Variants in DCC observed in about 807,000 individuals in gnomAD.
The protein encoded by DCC is netrin receptor DCC.
A neutral mutation model predicts 172.5 loss-of-function variants in DCC; 58 were observed. That is an observed-to-expected ratio of 0.34 (90% CI 0.27 to 0.42). DCC has a LOEUF of 0.42. DCC is among the 10% of genes least tolerant of loss of function. The pLI, the probability that DCC is intolerant of heterozygous loss-of-function variation, is 1.00. For missense variants in DCC, 1,740 were observed against 1,791.0 expected (o/e 0.97, Z 0.51); for synonymous variants, 709 against 644.5 (o/e 1.10, Z -1.52).
intron 7 of DCC, among the ~76,000 whole-genome samples, chr18:53,112,498 A>T (rs991598165): frequency 6.6e-6 from 1 of 151,490 alleles, no homozygotes. Flanking sequence ...ATCTGCCTTT[A>T]TTAAGTGCAG....
chr18:53,197,129 C>T (rs1402647049), intron 9 of DCC, among the ~76,000 whole-genome samples: 1 of 152,038 alleles, frequency 6.6e-6, no homozygotes, highest in Non-Finnish European at 1.5e-5. Flanking sequence ...TCAGAAATGG[C>T]TTGCATTTGA....
intron 22 of DCC, among the ~76,000 whole-genome samples, chr18:53,439,769 C>CTTTTTTTTTTTT (rs1292726340): frequency 2.5e-4 from 32 of 127,238 alleles, no homozygotes; most frequent in East Asian, 4.4e-4. Flanking sequence ...TAGTATTTTT[C>CTTTTTTTTTTTT]TTTTTTTTTT....
intron 1 of DCC, among the ~76,000 whole-genome samples, chr18:52,513,668 C>T (rs758304329): frequency 1.3e-5 from 2 of 152,084 alleles, no homozygotes; most frequent in Non-Finnish European, 2.9e-5. Context: ...GGTCTTTTGG[C>T]TCTAAAACTA....
At chr18:52,903,093 A>C (rs536167063) in intron 2 of DCC, among the ~76,000 whole-genome samples, 1 of 152,360 alleles carries the variant, frequency 6.6e-6, no homozygotes, top group South Asian at 2.1e-4. Context: ...ATTGTTGAGT[A>C]TCAGTTTGAA....
rs1185911648 is a variant in DCC, at chr18:52,929,856, ACACACACT to A, written c.985+4490_985+4497del. The stretch of plus-strand genomic sequence containing the variant: ...CACACACACACACACACACACACAC[ACACACACT>A]CACGTTTGTTTTCTCCATATAAGTG... On this transcript the variant is annotated intron_variant, in intron 5 of 28. Coordinates refer to ENST00000442544, the MANE Select transcript of DCC (RefSeq NM_005215.4). Among the ~76,000 whole-genome samples, 121 of 125,816 alleles carry A rather than the reference ACACACACT, an allele frequency of 9.6e-4. 1 individual carries two copies. The highest frequency in any genetic ancestry group is 9.1e-3 in the Admixed American group (114 of 12,480). The allele number at this position is 125,816 out of a possible 152,430, so 82.5% of individuals were successfully genotyped here. A position where few individuals can be genotyped will look rare whatever the true frequency, so the allele number is the denominator to read the frequency against.
intron 13 of DCC, among the ~76,000 whole-genome samples, chr18:53,313,137 C>T (rs2144805491): frequency 6.6e-6 from 1 of 152,026 alleles, no homozygotes; most frequent in Admixed American, 6.6e-5. Context: ...CTTCTGATAT[C>T]AGCTATCAGA....
chr18:52,819,907 A>G (rs2038374363), intron 2 of DCC, among the ~76,000 whole-genome samples: 1 of 151,692 alleles, frequency 6.6e-6, no homozygotes, highest in Non-Finnish European at 1.5e-5. Context: ...TTTTTAGTAG[A>G]GATGGGGTTT....
chr18:53,402,635 AT>A (rs1200355820), intron 18 of DCC, 150 bp from the exon 19 acceptor site: 10 of 709,278 alleles, frequency 1.4e-5, no homozygotes, highest in Non-Finnish European at 2.6e-5. Flanking sequence ...TTGTTTGCTT[AT>A]TCAAATCCTT....
intron 1 of DCC, among the ~76,000 whole-genome samples, chr18:52,644,801 A>G (rs1033804042): frequency 8.6e-6 from 1 of 116,038 alleles, no homozygotes; most frequent in African/African-American, 3.2e-5. Flanking sequence ...GGAAAGAAGG[A>G]AGGAAGGAAG....
chr18:52,487,153 G>A (rs138822079), intron 1 of DCC, among the ~76,000 whole-genome samples: 2 of 152,232 alleles, frequency 1.3e-5, no homozygotes, highest in Non-Finnish European at 2.9e-5. Flanking sequence ...GAAGATACCT[G>A]CTTATCTCTG....
At chr18:52,926,876 CATATAT>C (rs1230536715) in intron 5 of DCC, among the ~76,000 whole-genome samples, 1 of 143,456 alleles carries the variant, frequency 7.0e-6, no homozygotes, top group Non-Finnish European at 1.5e-5. Flanking sequence ...TATACATATA[CATATAT>C]ACACACACAT....
intron 5 of DCC, among the ~76,000 whole-genome samples, chr18:52,990,549 A>C (rs1346983618): frequency 9.9e-6 from 1 of 101,008 alleles, no homozygotes; most frequent in Non-Finnish European, 2.0e-5. Flanking sequence ...CCAAAAAAAA[A>C]AAAAAAAAAA....
intron 9 of DCC, among the ~76,000 whole-genome samples, chr18:53,202,346 A>G (rs1036817384): frequency 6.6e-6 from 1 of 152,206 alleles, no homozygotes; most frequent in African/African-American, 2.4e-5. Flanking sequence ...TTTGAACACC[A>G]GTATAATTAA....
At chr18:52,708,558 A>G (rs1788127765) in intron 1 of DCC, among the ~76,000 whole-genome samples, 2 of 152,232 alleles carry the variant, frequency 1.3e-5, no homozygotes, top group East Asian at 1.9e-4. Flanking sequence ...GGTGAAGTTC[A>G]TTTGCAGTGA....
At chr18:53,227,157 T>C (rs567822805) in intron 12 of DCC, among the ~76,000 whole-genome samples, 14 of 151,234 alleles carry the variant, frequency 9.3e-5, no homozygotes, top group African/African-American at 3.4e-4. Flanking sequence ...CCATGTTAGC[T>C]AGGAAGGTCT....
At chr18:53,105,565 T>A (rs536500837) in intron 7 of DCC, among the ~76,000 whole-genome samples, 1 of 152,000 alleles carries the variant, frequency 6.6e-6, no homozygotes, top group East Asian at 1.9e-4. Flanking sequence ...CACAAAAGAG[T>A]TAAATACATG....
chr18:53,293,083 C>T (rs2057024284), intron 12 of DCC, among the ~76,000 whole-genome samples: 2 of 152,146 alleles, frequency 1.3e-5, no homozygotes, highest in African/African-American at 2.4e-5. Flanking sequence ...CATCGATCAC[C>T]TCTCAATAAC....
intron 1 of DCC, among the ~76,000 whole-genome samples, chr18:52,708,664 A>C (rs755134977): frequency 4.6e-5 from 7 of 152,156 alleles, no homozygotes; most frequent in Non-Finnish European, 5.9e-5. Context: ...AGCCATGAAT[A>C]GTCTCTCACC....
intron 5 of DCC, among the ~76,000 whole-genome samples, chr18:52,943,114 G>C (rs1413708628): frequency 1.3e-5 from 2 of 151,876 alleles, no homozygotes; most frequent in African/African-American, 4.8e-5. Context: ...TTACTATATA[G>C]TTTTTGTTTT....
Sources: allele counts gnomAD v4.1 joint callset (sites outside exome capture counted in the v4.1 genomes callset), GRCh38; gene constraint gnomAD v4.1.1; transcripts MANE v1.5; gene names NCBI Gene and HGNC (gene_info 2026-07-23, HGNC 2026-07-21).